Variants in TENM2 observed in about 807,000 individuals in gnomAD.
TENM2 encodes teneurin-2.
In TENM2, 52 loss-of-function variants were observed where a neutral mutation model predicts 245.2. The observed-to-expected ratio is 0.21, with a 90% CI of 0.17 to 0.27. The LOEUF (loss-of-function observed/expected upper bound fraction) is 0.27. Among genes scored for constraint, TENM2 ranks in the 10% least tolerant of loss-of-function variants. The probability of loss-of-function intolerance (pLI) is 1.00; values close to 1 mark genes in which losing one functional copy is unlikely to be tolerated. For synonymous variants in TENM2, 1,363 were observed against 1,438.9 expected (o/e 0.95, Z 1.19); for missense variants, 3,046 against 3,666.8 (o/e 0.83, Z 4.37).
At chr5:168,233,753 T>G (rs991557953) in intron 25 of TENM2, among the ~76,000 whole-genome samples, 1 of 152,158 alleles carries the variant, frequency 6.6e-6, no homozygotes, top group East Asian at 1.9e-4. Flanking sequence ...TAATTGGACT[T>G]ACTTACAGTT....
chr5:168,000,037 TTCTC>T (rs1324933622), intron 5 of TENM2, among the ~76,000 whole-genome samples: 1 of 152,206 alleles, frequency 6.6e-6, no homozygotes, highest in East Asian at 1.9e-4. Flanking sequence ...GCCCTAGACT[TTCTC>T]TCTATAACGA....
At chr5:167,167,638 G>A in the TENM2 span, among the ~76,000 whole-genome samples, 1 of 152,184 alleles carries the variant, frequency 6.6e-6, no homozygotes, top group Non-Finnish European at 1.5e-5. Flanking sequence ...TGTCTTATGT[G>A]TGATCACATA....
intron 1 of TENM2, among the ~76,000 whole-genome samples, chr5:167,353,277 C>T (rs1437829285): frequency 7.2e-6 from 1 of 138,436 alleles, no homozygotes; most frequent in Admixed American, 8.3e-5. Flanking sequence ...TGGTGCTGAA[C>T]GTTTTGAAAT....
intron 10 of TENM2, among the ~76,000 whole-genome samples, chr5:168,123,343 T>C (rs1201826934): frequency 6.6e-6 from 1 of 151,690 alleles, no homozygotes; most frequent in Non-Finnish European, 1.5e-5. Context: ...TTGTGCCCCA[T>C]AGGGAAAGAA....
chr5:168,164,856 T>A (rs1054333884), intron 13 of TENM2, among the ~76,000 whole-genome samples: 3 of 152,220 alleles, frequency 2.0e-5, no homozygotes, highest in Non-Finnish European at 4.4e-5. Context: ...TAGTGCCACC[T>A]TGGACCAGTC....
the TENM2 span, among the ~76,000 whole-genome samples, chr5:167,064,342 A>G: frequency 6.6e-6 from 1 of 152,330 alleles, no homozygotes; most frequent in East Asian, 1.9e-4. Flanking sequence ...TAAAGTGAAA[A>G]GGGTACATTG....
intron 4 of TENM2, among the ~76,000 whole-genome samples, chr5:167,981,140 C>T (rs1197946327): frequency 1.3e-5 from 2 of 152,214 alleles, no homozygotes; most frequent in Non-Finnish European, 2.9e-5. Flanking sequence ...GCAGAGCCAT[C>T]CCTGCTCCAG....
chr5:167,266,442 C>T, the TENM2 span, among the ~76,000 whole-genome samples: 1 of 151,968 alleles, frequency 6.6e-6, no homozygotes, highest in African/African-American at 2.4e-5. Context: ...TTTTTAAATT[C>T]TTAAAATCTG....
chr5:168,004,922 A>G (rs1784706554), intron 5 of TENM2, among the ~76,000 whole-genome samples: 1 of 151,916 alleles, frequency 6.6e-6, no homozygotes, highest in African/African-American at 2.4e-5. Flanking sequence ...TGGATCTGTG[A>G]TTTTTTTCTG....
intron 5 of TENM2, among the ~76,000 whole-genome samples, chr5:168,013,852 G>A (rs931493824): frequency 1.3e-5 from 2 of 152,092 alleles, no homozygotes; most frequent in Admixed American, 6.5e-5. Flanking sequence ...GCTAGTCCAC[G>A]CTCTCCCTGA....
intron 2 of TENM2, among the ~76,000 whole-genome samples, chr5:167,834,973 A>G (rs1401776021): frequency 6.6e-6 from 1 of 152,170 alleles, no homozygotes; most frequent in East Asian, 1.9e-4. Flanking sequence ...AATTTCAACT[A>G]AGGGACAAAG....
chr5:167,279,788 T>G, the TENM2 span, among the ~76,000 whole-genome samples: 46 of 152,270 alleles, frequency 3.0e-4, no homozygotes, highest in African/African-American at 9.6e-4. Context: ...TTGATGAGAC[T>G]TTCTGTTTTC....
At chr5:167,423,034 T>C (rs1763600284) in intron 2 of TENM2, among the ~76,000 whole-genome samples, 1 of 152,174 alleles carries the variant, frequency 6.6e-6, no homozygotes, top group South Asian at 2.1e-4. Context: ...ATCATGAAAA[T>C]GTTCCATTTC....
rs58866696 is a variant in TENM2 at position 167,920,515 on chromosome 5, TCACACACACACACA to T, written c.713-32044_713-32031del. Among the ~76,000 whole-genome samples, 118 of 129,524 alleles carry T rather than the reference TCACACACACACACA, an allele frequency of 9.1e-4. No homozygotes were observed. In the South Asian group the frequency reaches 0.017, roughly 19 times the overall value. The allele number at this position is 129,524 out of a possible 152,430, so 85.0% of individuals were successfully genotyped here. A position where few individuals can be genotyped will look rare whatever the true frequency, so the allele number is the denominator to read the frequency against. ...CCTGGGCAACAAGAGCGAAACTCCATCACACACACACACACACACACACACACACACACACACAC... is the reference window on the plus strand; with the variant it reads ...CCTGGGCAACAAGAGCGAAACTCCATCACACACACACACACACACACACAC... On this transcript the variant is annotated intron_variant, in intron 3 of 28. Coordinates refer to ENST00000518659, the Ensembl canonical transcript of TENM2.
intron 2 of TENM2, among the ~76,000 whole-genome samples, chr5:167,640,618 T>C (rs1457201038): frequency 9.1e-6 from 1 of 109,574 alleles, no homozygotes; most frequent in Non-Finnish European, 1.7e-5. Context: ...AAACTCCATC[T>C]CAAAAAAAAA....
intron 2 of TENM2, among the ~76,000 whole-genome samples, chr5:167,597,165 CTT>C (rs34227363): frequency 0.024 from 1,286 of 53,760 alleles, 11 homozygotes; most frequent in African/African-American, 0.033. Context: ...CTTTTCTTTT[CTT>C]TTTTTTTTTT....
chr5:168,012,239 A>G lies in TENM2; in HGVS notation c.1186+19057A>G, dbSNP rs905129640. 2.0e-5 allele frequency among the ~76,000 whole-genome samples: 3 copies of G among 152,222 alleles called. No homozygotes were observed. In the South Asian group the frequency reaches 6.2e-4, roughly 32 times the overall value. On this transcript the variant is annotated intron_variant, in intron 5 of 28. Coordinates refer to ENST00000518659, the Ensembl canonical transcript of TENM2. The stretch of plus-strand genomic sequence containing the variant: ...TCAGCCTTGTCCTGAGAGCTGAAAG[A>G]TGACACATTCCTTAGCTAGTACTCC...
chr5:166,997,898 T>C, the TENM2 span, among the ~76,000 whole-genome samples: 1 of 151,856 alleles, frequency 6.6e-6, no homozygotes, highest in Non-Finnish European at 1.5e-5. Context: ...AAAACATAAA[T>C]AAACAACAGA....
chr5:167,791,936 C>G (rs1765005331), intron 2 of TENM2, among the ~76,000 whole-genome samples: 1 of 152,140 alleles, frequency 6.6e-6, no homozygotes, highest in Non-Finnish European at 1.5e-5. Context: ...TCTCCATACT[C>G]CATCCACTCT....
Sources: gnomAD v4.1 joint callset for allele counts (sites outside exome capture counted in the v4.1 genomes callset) on GRCh38, gnomAD v4.1.1 for gene constraint, MANE v1.5 for transcripts, NCBI Gene and HGNC (gene_info 2026-07-23, HGNC 2026-07-21) for gene names.